Variants in ELF2 observed in about 807,000 individuals in gnomAD.
ELF2 encodes the protein E74 like ETS transcription factor 2, also known as ETS-related transcription factor Elf-2.
Under a neutral mutation model 54.8 loss-of-function variants are expected in ELF2, and 11 were observed. That is an observed-to-expected ratio of 0.20 (90% CI 0.13 to 0.33). The LOEUF (loss-of-function observed/expected upper bound fraction) is 0.33, where lower values mean the gene tolerates loss of function less well. Among genes scored for constraint, ELF2 ranks in the 10% least tolerant of loss-of-function variants. The pLI is 1.00. For missense variants in ELF2, 513 were observed against 703.0 expected (o/e 0.73, Z 3.06); for synonymous variants, 203 against 245.1 (o/e 0.83, Z 1.61).
At chr4:139,066,767 C>G (rs968356764) in intron 7 of ELF2, 1 of 151,258 alleles carries the variant, frequency 6.6e-6, no homozygotes, top group Admixed American at 6.6e-5. Flanking sequence ...GTGGTGTGTG[C>G]GTGTAGTCCC....
rs910393760 is a variant in ELF2 at position 139,104,446 on chromosome 4, T to A, written c.238+20718A>T. On this transcript the variant is annotated intron_variant, in intron 4 of 9. Coordinates refer to ENST00000686138, the MANE Select transcript of ELF2 (RefSeq NM_001331036.3). Reference sequence around the variant, plus strand: ...AATAACTTGAGCCCGAAAGGCGAGGTTGCCGTGAGCTGAGATCGTGCCACT... The same window carrying A: ...AATAACTTGAGCCCGAAAGGCGAGGATGCCGTGAGCTGAGATCGTGCCACT... Among the ~76,000 whole-genome samples, 5 of 149,096 alleles carry A rather than the reference T, an allele frequency of 3.4e-5. No individual in the cohort carries two copies. In the East Asian group the frequency reaches 9.9e-4, roughly 29 times the overall value.
chr4:139,150,416 G>A (rs894547083), intron 1 of ELF2, among the ~76,000 whole-genome samples: 6 of 151,282 alleles, frequency 4.0e-5, no homozygotes, highest in Admixed American at 2.0e-4. Context: ...CTGTAGTCCC[G>A]GCTGAGGTGG....
At chr4:139,114,992 T>C (rs1412912361) in intron 4 of ELF2, 1 of 1,613,722 alleles carries the variant, frequency 6.2e-7, no homozygotes, top group Non-Finnish European at 8.5e-7. Flanking sequence ...AGACCAGAAA[T>C]GAAGGCCTCT....
At chr4:139,168,207 C>T (rs769397959) in intron 1 of ELF2, among the ~76,000 whole-genome samples, 2 of 152,162 alleles carry the variant, frequency 1.3e-5, no homozygotes, top group Non-Finnish European at 2.9e-5. Context: ...GAGACTCATA[C>T]GCAAAATAAG....
chr4:139,154,413 T>C (rs1288418595), intron 1 of ELF2, among the ~76,000 whole-genome samples: 4 of 145,998 alleles, frequency 2.7e-5, no homozygotes, highest in African/African-American at 7.4e-5. Flanking sequence ...TTTGATCTGT[T>C]ATTATCTTTT....
intron 4 of ELF2, among the ~76,000 whole-genome samples, chr4:139,104,446 T>C (rs910393760): frequency 1.3e-5 from 2 of 149,022 alleles, no homozygotes; most frequent in African/African-American, 2.5e-5. Flanking sequence ...AAAGGCGAGG[T>C]TGCCGTGAGC....
intron 4 of ELF2, among the ~76,000 whole-genome samples, chr4:139,121,272 C>T (rs902373648): frequency 2.0e-5 from 3 of 150,862 alleles, no homozygotes; most frequent in Non-Finnish European, 3.0e-5. Flanking sequence ...CCACGCCCGG[C>T]TAATTTTTTG....
At chr4:139,070,141 C>A (rs1729305838) in intron 6 of ELF2, among the ~76,000 whole-genome samples, 3 of 151,846 alleles carry the variant, frequency 2.0e-5, no homozygotes, top group Admixed American at 1.3e-4. Context: ...CCACACCCAG[C>A]CTTGTAATTT....
intron 1 of ELF2, among the ~76,000 whole-genome samples, chr4:139,165,933 T>C (rs1741675144): frequency 6.6e-6 from 1 of 152,238 alleles, no homozygotes; most frequent in African/African-American, 2.4e-5. Context: ...TAGTATATAT[T>C]ACATGCCACA....
At chr4:139,167,234 G>C (rs142566576) in intron 1 of ELF2, among the ~76,000 whole-genome samples, 59 of 152,256 alleles carry the variant, frequency 3.9e-4, no homozygotes, top group African/African-American at 1.2e-3. Context: ...GACTTTGACT[G>C]GAATATCTTA....
chr4:139,063,619 T>C (rs983696687), intron 7 of ELF2, among the ~76,000 whole-genome samples: 8 of 152,260 alleles, frequency 5.3e-5, no homozygotes, highest in Admixed American at 2.6e-4. Context: ...TATAATTTAG[T>C]TGAGAAGGGG....
chr4:139,154,875 C>G (rs1489972330), intron 1 of ELF2, among the ~76,000 whole-genome samples: 1 of 152,146 alleles, frequency 6.6e-6, no homozygotes, highest in Non-Finnish European at 1.5e-5. Flanking sequence ...CAGTGAAAGG[C>G]TGATCAAAGA....
At chr4:139,090,927 GT>G (rs1732504185) in intron 4 of ELF2, among the ~76,000 whole-genome samples, 1 of 151,694 alleles carries the variant, frequency 6.6e-6, no homozygotes, top group South Asian at 2.1e-4. Context: ...GTTTTGTTTT[GT>G]TTTGTTTTGT....
At chr4:139,135,273 GTGTGTGTATA>G (rs1401188693) in intron 3 of ELF2, among the ~76,000 whole-genome samples, 27 of 136,430 alleles carry the variant, frequency 2.0e-4, no homozygotes, top group African/African-American at 7.1e-4. Flanking sequence ...GTGTGTGTGT[GTGTGTGTATA>G]TATGAATGAA....
intron 3 of ELF2, among the ~76,000 whole-genome samples, chr4:139,130,861 G>A (rs1382904984): frequency 6.6e-6 from 1 of 152,130 alleles, no homozygotes; most frequent in East Asian, 1.9e-4. Flanking sequence ...CATCTATGGA[G>A]GCAAGTAACT....
At chr4:139,116,718 G>C in intron 4 of ELF2, 1 of 985,384 alleles carries the variant, frequency 1.0e-6, no homozygotes, top group Non-Finnish European at 1.2e-6. Context: ...CTCGTTTTCA[G>C]ATCCCCAGTT....
intron 3 of ELF2, among the ~76,000 whole-genome samples, chr4:139,134,613 AT>A (rs1560851331): frequency 7.2e-6 from 1 of 138,568 alleles, no homozygotes; most frequent in Non-Finnish European, 1.6e-5. Context: ...ATTTTATTTT[AT>A]TTTATTTATT....
At chr4:139,152,338 C>CT (rs1472367337) in intron 1 of ELF2, among the ~76,000 whole-genome samples, 6 of 151,474 alleles carry the variant, frequency 4.0e-5, no homozygotes, top group African/African-American at 1.5e-4. Context: ...TAGTCTACAC[C>CT]ATTTTTTTTT....
Position 139,137,610 on chromosome 4 carries a change from T to TA in ELF2, c.72+19dup. 1 of 1,607,352 alleles carries TA rather than the reference T, an allele frequency of 6.2e-7. No individual in the cohort carries two copies. The highest frequency in any genetic ancestry group is 8.5e-7 in the Non-Finnish European group (1 of 1,175,004). On this transcript the variant is annotated intron_variant, in intron 3 of 9. Coordinates refer to ENST00000686138, the MANE Select transcript of ELF2 (RefSeq NM_001331036.3). ...AATTTCTATGAAGAAAATAGAAATG[T>TA]AATTCATTGAATGCCTAACCTCTTG... is the stretch of plus-strand genomic sequence containing the variant.
Sources: gnomAD v4.1 joint callset for allele counts (sites outside exome capture counted in the v4.1 genomes callset) on GRCh38, gnomAD v4.1.1 for gene constraint, MANE v1.5 for transcripts, NCBI Gene and HGNC (gene_info 2026-07-23, HGNC 2026-07-21) for gene names.